Variants in CADM2 observed in about 807,000 individuals in gnomAD.
CADM2 encodes the protein cell adhesion molecule 2.
CADM2 carries 12 observed loss-of-function variants against 49.8 expected under a neutral mutation model. The observed-to-expected ratio is 0.24, with a 90% CI of 0.15 to 0.39. CADM2 has a LOEUF of 0.39. Among genes scored for constraint, CADM2 ranks in the 10% least tolerant of loss-of-function variants. CADM2 has a pLI of 1.00. For synonymous variants in CADM2, 214 were observed against 175.4 expected (o/e 1.22, Z -1.74); for missense variants, 378 against 492.3 (o/e 0.77, Z 2.20).
At chr3:85,436,598 A>T (rs1325476698) in intron 1 of CADM2, among the ~76,000 whole-genome samples, 1 of 152,148 alleles carries the variant, frequency 6.6e-6, no homozygotes, top group African/African-American at 2.4e-5. Context: ...TGAAAAGTAC[A>T]TATTTAAAAT....
chr3:84,963,856 T>G (rs979387105), intron 1 of CADM2, among the ~76,000 whole-genome samples: 1 of 152,206 alleles, frequency 6.6e-6, no homozygotes, highest in African/African-American at 2.4e-5. Flanking sequence ...CAAGCTCATT[T>G]CTTATGCCAA....
chr3:85,339,709 C>A (rs72903258), intron 1 of CADM2, among the ~76,000 whole-genome samples: 10,719 of 151,318 alleles, frequency 0.071, 719 homozygotes, highest in African/African-American at 0.17. Context: ...AGGAAATTAA[C>A]TGAAAGTCAA....
At chr3:85,983,308 A>T (rs1727690938) in intron 8 of CADM2, among the ~76,000 whole-genome samples, 1 of 151,736 alleles carries the variant, frequency 6.6e-6, no homozygotes, top group Non-Finnish European at 1.5e-5. Context: ...GTATCTTATT[A>T]CAAATAAGGA....
At chr3:85,857,637 G>T (rs1357518416) in intron 3 of CADM2, among the ~76,000 whole-genome samples, 1 of 152,088 alleles carries the variant, frequency 6.6e-6, no homozygotes, top group African/African-American at 2.4e-5. Context: ...CACTGTGTAG[G>T]TGTTCTTGGT....
At chr3:86,004,737 C>T (rs1280363594) in intron 8 of CADM2, among the ~76,000 whole-genome samples, 2 of 152,150 alleles carry the variant, frequency 1.3e-5, no homozygotes, top group African/African-American at 4.8e-5. Context: ...TTTATTTCTT[C>T]TCTCCTACTC....
At chr3:85,771,032 T>C (rs1416872389) in intron 2 of CADM2, among the ~76,000 whole-genome samples, 2 of 152,178 alleles carry the variant, frequency 1.3e-5, no homozygotes, top group Non-Finnish European at 2.9e-5. Context: ...GTGCCCCTCG[T>C]TGGCTCTGGC....
intron 1 of CADM2, among the ~76,000 whole-genome samples, chr3:85,702,356 A>C (rs546264364): frequency 6.6e-6 from 1 of 151,476 alleles, no homozygotes; most frequent in Admixed American, 6.6e-5. Context: ...TTCTTATTAG[A>C]TGGTTCTTTT....
At chr3:85,222,081 G>GT (rs1394307785) in intron 1 of CADM2, among the ~76,000 whole-genome samples, 1 of 152,132 alleles carries the variant, frequency 6.6e-6, no homozygotes, top group East Asian at 1.9e-4. Context: ...ACCATGCCAT[G>GT]TTTTTTGTCG....
At chr3:85,908,922 C>T (rs1001350483) in intron 5 of CADM2, among the ~76,000 whole-genome samples, 3 of 152,138 alleles carry the variant, frequency 2.0e-5, no homozygotes, top group Admixed American at 6.5e-5. Context: ...GATGGGGTTT[C>T]AGCATGTTAG....
chr3:85,527,262 T>A (rs1184181110), intron 1 of CADM2, among the ~76,000 whole-genome samples: 1 of 151,622 alleles, frequency 6.6e-6, no homozygotes, highest in Non-Finnish European at 1.5e-5. Context: ...GCATCATGTC[T>A]ATACTTCCAT....
intron 5 of CADM2, among the ~76,000 whole-genome samples, chr3:85,887,040 G>A (rs1423098578): frequency 6.6e-6 from 1 of 151,984 alleles, no homozygotes; most frequent in Admixed American, 6.6e-5. Flanking sequence ...CTATGAAACA[G>A]GTTTATGCAA....
At chr3:85,548,103 G>A (rs928578562) in intron 1 of CADM2, among the ~76,000 whole-genome samples, 5 of 151,334 alleles carry the variant, frequency 3.3e-5, no homozygotes, top group Non-Finnish European at 5.9e-5. Flanking sequence ...ACTTTTCAAC[G>A]TTACTTTCTC....
intron 1 of CADM2, among the ~76,000 whole-genome samples, chr3:84,966,506 A>G (rs1447804616): frequency 1.3e-5 from 2 of 152,026 alleles, no homozygotes; most frequent in East Asian, 1.9e-4. Flanking sequence ...TCAGGCTGCA[A>G]CAACGATTAA....
intron 1 of CADM2, among the ~76,000 whole-genome samples, chr3:85,724,867 G>A (rs1246918172): frequency 6.6e-6 from 1 of 151,734 alleles, no homozygotes; most frequent in Non-Finnish European, 1.5e-5. Flanking sequence ...ATTCATTAAA[G>A]GAATGTAGAT....
At chr3:85,296,187 T>C (rs1451748340) in intron 1 of CADM2, among the ~76,000 whole-genome samples, 7 of 152,006 alleles carry the variant, frequency 4.6e-5, no homozygotes, top group Admixed American at 4.6e-4. Context: ...GTAACATTTG[T>C]CCAGAAAGAC....
At chr3:85,872,386 G>T (rs189377843) in intron 3 of CADM2, among the ~76,000 whole-genome samples, 354 of 151,782 alleles carry the variant, frequency 2.3e-3, no homozygotes, top group African/African-American at 7.9e-3. Context: ...AAAACACAAT[G>T]TGTTCTTTTA....
At chr3:85,681,245 G>C (rs979177195) in intron 1 of CADM2, among the ~76,000 whole-genome samples, 2 of 152,104 alleles carry the variant, frequency 1.3e-5, no homozygotes, top group Non-Finnish European at 2.9e-5. Context: ...GATGCATCAT[G>C]AGATGACGTT....
chr3:85,864,237 T>C (rs976341545), intron 3 of CADM2, among the ~76,000 whole-genome samples: 32 of 152,340 alleles, frequency 2.1e-4, no homozygotes, highest in African/African-American at 7.5e-4. Flanking sequence ...TGTTAGTATG[T>C]CAAAATGCAT....
chr3:85,190,933 C>A (rs112322319), intron 1 of CADM2, among the ~76,000 whole-genome samples: 2 of 151,950 alleles, frequency 1.3e-5, no homozygotes, highest in African/African-American at 4.8e-5. Flanking sequence ...TTAATTTGAT[C>A]TTTAGAAAAG....
Sources: allele counts gnomAD v4.1 joint callset (sites outside exome capture counted in the v4.1 genomes callset), GRCh38; gene constraint gnomAD v4.1.1; transcripts MANE v1.5; gene names NCBI Gene and HGNC (gene_info 2026-07-23, HGNC 2026-07-21).